Variants in PCSK2 observed in about 807,000 individuals in gnomAD.
PCSK2 encodes proprotein convertase subtilisin/kexin type 2, also known as neuroendocrine convertase 2.
A neutral mutation model predicts 69.7 loss-of-function variants in PCSK2; 14 were observed. The ratio of observed to expected loss-of-function variants is 0.20; its 90% CI spans 0.13 to 0.31. The LOEUF is 0.31. Among genes scored for constraint, PCSK2 ranks in the 10% least tolerant of loss-of-function variants. PCSK2 has a pLI of 1.00. For synonymous variants in PCSK2, 307 were observed against 320.7 expected (o/e 0.96, Z 0.46); for missense variants, 544 against 842.5 (o/e 0.65, Z 4.39).
chr20:17,355,028 G>A (rs116757483), intron 2 of PCSK2, among the ~76,000 whole-genome samples: 2,396 of 152,282 alleles, frequency 0.016, 63 homozygotes, highest in African/African-American at 0.054. Flanking sequence ...GCCCCCTTCA[G>A]TCTCAAGACT....
intron 4 of PCSK2, among the ~76,000 whole-genome samples, chr20:17,368,101 T>C (rs1271013118): frequency 6.6e-6 from 1 of 152,102 alleles, no homozygotes; most frequent in Non-Finnish European, 1.5e-5. Flanking sequence ...TTTTCAGAAA[T>C]ATGCATCCTA....
At chr20:17,341,393 A>G (rs1181536373) in intron 2 of PCSK2, among the ~76,000 whole-genome samples, 5 of 152,186 alleles carry the variant, frequency 3.3e-5, no homozygotes, top group African/African-American at 9.6e-5. Context: ...GAAAGTTGTG[A>G]TTTATAGCTC....
upstream of PCSK2, chr20:17,226,357 C>T (rs1985899465): frequency 6.6e-6 from 1 of 152,086 alleles, no homozygotes; most frequent in African/African-American, 2.4e-5. Flanking sequence ...GCACTCTCGC[C>T]CCCCATGGAT....
rs1354938214 is a variant in PCSK2 at position 17,481,632 on chromosome 20, C to A, written c.1479C>A (p.Ala493=). 2 of 1,613,806 alleles carry A rather than the reference C, an allele frequency of 1.2e-6. No individual in the cohort carries two copies. Among genetic ancestry groups the A allele is most frequent in the Admixed American group, 1.7e-5 (1 of 59,992 alleles). ...GKLVLTLTTD[A]CEGKENFVRY... is the part of the protein sequence containing the mutation. ...TGGTGCTGACACTCACAACCGACGC[C>A]TGTGAGGGGAAGGAAAATTTTGTCC... The change falls in exon 12 of 12, where the codon GCC becomes GCA. Residue 493 remains alanine, a synonymous_variant. Transcript: ENST00000262545.
chr20:17,256,613 C>T (rs1229547333), intron 1 of PCSK2, among the ~76,000 whole-genome samples: 1 of 151,800 alleles, frequency 6.6e-6, no homozygotes, highest in Non-Finnish European at 1.5e-5. Context: ...CACCCCCACC[C>T]CTGTTTTTTT....
At chr20:17,362,943 C>T (rs2030452082) in intron 4 of PCSK2, among the ~76,000 whole-genome samples, 1 of 152,240 alleles carries the variant, frequency 6.6e-6, no homozygotes, top group South Asian at 2.1e-4. Context: ...CCATCTCTGT[C>T]CTCACAGCTA....
At chr20:17,480,557 C>T (rs2033382145) in intron 11 of PCSK2, among the ~76,000 whole-genome samples, 1 of 152,164 alleles carries the variant, frequency 6.6e-6, no homozygotes, top group South Asian at 2.1e-4. Flanking sequence ...GCACTTAGCA[C>T]TTTGAAAGAA....
chr20:17,446,924 C>A (rs1436543380), intron 8 of PCSK2, among the ~76,000 whole-genome samples: 1 of 151,974 alleles, frequency 6.6e-6, no homozygotes, highest in Non-Finnish European at 1.5e-5. Flanking sequence ...AGCTCAGTTT[C>A]TTAATACAGG....
intron 2 of PCSK2, among the ~76,000 whole-genome samples, chr20:17,304,194 T>G (rs1395575328): frequency 6.6e-6 from 1 of 152,048 alleles, no homozygotes; most frequent in African/African-American, 2.4e-5. Context: ...TAGCACAAAG[T>G]GAGCACTAAA....
chr20:17,414,513 T>G lies in PCSK2; in HGVS notation c.620+5174T>G, dbSNP rs372789392. 2.2e-4 allele frequency among the ~76,000 whole-genome samples: 33 copies of G among 152,188 alleles called. No homozygotes were observed. In the South Asian group the frequency reaches 6.4e-3, roughly 30 times the overall value. The stretch of plus-strand genomic sequence containing the variant: ...GAAGTTGAATCTCTGAATAGACCAA[T>G]AACAGGCTCTGAAATTGAGGCAATA... On this transcript the variant is annotated intron_variant, in intron 6 of 11. Coordinates refer to ENST00000262545, the MANE Select transcript of PCSK2 (RefSeq NM_002594.5).
At chr20:17,247,945 G>T (rs1182786768) in intron 1 of PCSK2, among the ~76,000 whole-genome samples, 1 of 152,092 alleles carries the variant, frequency 6.6e-6, no homozygotes, top group Non-Finnish European at 1.5e-5. Context: ...GAAGTAAGAG[G>T]AAAAGAAAGA....
At chr20:17,335,823 T>C (rs1040845234) in intron 2 of PCSK2, among the ~76,000 whole-genome samples, 1 of 151,602 alleles carries the variant, frequency 6.6e-6, no homozygotes, top group Non-Finnish European at 1.5e-5. Flanking sequence ...AATGCCATTA[T>C]TTTTTTCCTT....
chr20:17,238,305 T>C (rs2122947231), intron 1 of PCSK2, among the ~76,000 whole-genome samples: 1 of 152,288 alleles, frequency 6.6e-6, no homozygotes, highest in Non-Finnish European at 1.5e-5. Flanking sequence ...TGGAGATTGC[T>C]ATCCCACCAG....
chr20:17,479,654 C>T (rs762878510), intron 11 of PCSK2, among the ~76,000 whole-genome samples: 37 of 152,092 alleles, frequency 2.4e-4, no homozygotes, highest in Non-Finnish European at 4.7e-4. Context: ...AAATAATTAC[C>T]CGGGCACAGT....
chr20:17,387,277 G>A (rs908793858), intron 5 of PCSK2, among the ~76,000 whole-genome samples: 3 of 152,154 alleles, frequency 2.0e-5, no homozygotes, highest in African/African-American at 7.2e-5. Flanking sequence ...ACCTATTGCT[G>A]CATCTCAGAT....
chr20:17,473,862 A>G (rs1403833311), intron 11 of PCSK2, among the ~76,000 whole-genome samples: 4 of 152,216 alleles, frequency 2.6e-5, no homozygotes, highest in Non-Finnish European at 5.9e-5. Flanking sequence ...GAGTCCAGCC[A>G]CATGTCTCCT....
chr20:17,405,955 C>T (rs1475421543), intron 5 of PCSK2, among the ~76,000 whole-genome samples: 3 of 152,176 alleles, frequency 2.0e-5, no homozygotes, highest in East Asian at 1.9e-4. Context: ...TGAATCATCT[C>T]GATCCTGAAT....
intron 2 of PCSK2, among the ~76,000 whole-genome samples, chr20:17,269,198 T>C (rs553423971): frequency 1.3e-5 from 2 of 152,214 alleles, no homozygotes; most frequent in Non-Finnish European, 2.9e-5. Context: ...GAGTTGGAGA[T>C]ATAAATTGAG....
chr20:17,279,981 A>C (rs1397129978), intron 2 of PCSK2, among the ~76,000 whole-genome samples: 1 of 148,202 alleles, frequency 6.7e-6, no homozygotes, highest in Non-Finnish European at 1.5e-5. Flanking sequence ...ATCCAAACAA[A>C]TGTAGAAGAC....
Sources: allele counts gnomAD v4.1 joint callset (sites outside exome capture counted in the v4.1 genomes callset), GRCh38; gene constraint gnomAD v4.1.1; transcripts MANE v1.5; gene names NCBI Gene and HGNC (gene_info 2026-07-23, HGNC 2026-07-21).